Variants in PCDH15 observed in about 807,000 individuals in gnomAD.
The protein encoded by PCDH15 is protocadherin related 15.
In PCDH15, 129 loss-of-function variants were observed where a neutral mutation model predicts 178.5. That is an observed-to-expected ratio of 0.72 (90% CI 0.63 to 0.84). The LOEUF is 0.84. Ranked by LOEUF, PCDH15 falls within the 40% of genes least tolerant of loss-of-function variation. The pLI is 0.00. For missense variants in PCDH15, 2,230 were observed against 2,099.9 expected (o/e 1.06, Z -1.21); for synonymous variants, 800 against 732.0 (o/e 1.09, Z -1.50).
intron 2 of PCDH15, among the ~76,000 whole-genome samples, chr10:54,560,588 T>G (rs2087984269): frequency 6.6e-6 from 1 of 151,996 alleles, no homozygotes; most frequent in Non-Finnish European, 1.5e-5. Context: ...AGCTTAAAAT[T>G]TGCCCTTTCA....
chr10:53,857,055 C>T (rs1330499526), intron 28 of PCDH15, 120 bp downstream of exon 28: 2 of 745,500 alleles, frequency 2.7e-6, no homozygotes, highest in East Asian at 2.8e-5. Flanking sequence ...CACCAATATG[C>T]AATATATCCA....
At chr10:55,101,085 A>G (rs190717309) in intron 2 of PCDH15, among the ~76,000 whole-genome samples, 2 of 152,222 alleles carry the variant, frequency 1.3e-5, no homozygotes, top group East Asian at 3.9e-4. Context: ...ATGGGATTAA[A>G]ATATTTTTAT....
At chr10:54,344,346 T>G (rs1398827172) in intron 6 of PCDH15, among the ~76,000 whole-genome samples, 1 of 152,314 alleles carries the variant, frequency 6.6e-6, no homozygotes, top group South Asian at 2.1e-4. Context: ...TATTATATTG[T>G]ACAGCAAACC....
intron 3 of PCDH15, among the ~76,000 whole-genome samples, chr10:54,811,751 G>A (rs993930808): frequency 6.6e-6 from 1 of 152,150 alleles, no homozygotes; most frequent in East Asian, 1.9e-4. Context: ...TTACAGGCGT[G>A]AGCCACCGCA....
At chr10:55,068,996 C>A (rs1841643107) in intron 2 of PCDH15, among the ~76,000 whole-genome samples, 1 of 151,900 alleles carries the variant, frequency 6.6e-6, no homozygotes, top group Non-Finnish European at 1.5e-5. Context: ...CTCCTGGGTT[C>A]AAGCGATTCT....
At chr10:55,143,631 A>AT (rs201740002) in intron 2 of PCDH15, among the ~76,000 whole-genome samples, 7,977 of 151,712 alleles carry the variant, frequency 0.053, 211 homozygotes, top group Middle Eastern at 0.065. Flanking sequence ...TAACATTTGA[A>AT]TTTTTTTTTC....
intron 2 of PCDH15, among the ~76,000 whole-genome samples, chr10:55,582,628 A>ATATATATTTTT (rs780312007): frequency 2.9e-5 from 2 of 69,028 alleles, no homozygotes; most frequent in African/African-American, 6.6e-5. Flanking sequence ...ATATATATAT[A>ATATATATTTTT]TTTTTTTTTT....
chr10:54,122,249 C>A (rs891776736), intron 15 of PCDH15, among the ~76,000 whole-genome samples: 1 of 151,884 alleles, frequency 6.6e-6, no homozygotes, highest in Non-Finnish European at 1.5e-5. Flanking sequence ...ATCACATGAA[C>A]ACAATTTAAA....
intron 13 of PCDH15, among the ~76,000 whole-genome samples, chr10:54,182,487 G>A (rs2048076977): frequency 1.6e-5 from 1 of 62,542 alleles, no homozygotes; most frequent in African/African-American, 1.0e-4. Flanking sequence ...CTTGATGAGA[G>A]AGGAAAAGAG....
rs533751544 is a variant in PCDH15 at position 54,336,633 on chromosome 10, C to G, written c.595-6927G>C. Reference sequence around the variant, plus strand: ...AGAACTGAGGTTTGGGAACCTCCACCTAGATTTCAGAGGATGTATGGAAAT... The same window carrying G: ...AGAACTGAGGTTTGGGAACCTCCACGTAGATTTCAGAGGATGTATGGAAAT... On this transcript the variant is annotated intron_variant, in intron 6 of 37. Coordinates refer to ENST00000644397, the MANE Select transcript of PCDH15 (RefSeq NM_001384140.1). Among the ~76,000 whole-genome samples, 7 of 152,298 alleles carry G rather than the reference C, an allele frequency of 4.6e-5. No homozygotes were observed. In the South Asian group the frequency reaches 1.4e-3, roughly 32 times the overall value.
At chr10:54,414,021 C>T (rs971813374) in intron 3 of PCDH15, among the ~76,000 whole-genome samples, 1 of 152,072 alleles carries the variant, frequency 6.6e-6, no homozygotes, top group African/African-American at 2.4e-5. Context: ...ATCTCTCAGC[C>T]TCTCACTACT....
chr10:53,807,308 T>C (rs1021379213), intron 37 of PCDH15, among the ~76,000 whole-genome samples, 178 bp from the exon 38 acceptor site: 3 of 152,160 alleles, frequency 2.0e-5, no homozygotes, highest in Non-Finnish European at 4.4e-5. Context: ...CAATCCTTTA[T>C]TGGCTTTAGA....
rs188562982 is a variant in PCDH15, at chr10:55,173,619, T to C, written c.-155-6968A>G. Among the ~76,000 whole-genome samples, 518 of 152,266 alleles carry C rather than the reference T, an allele frequency of 3.4e-3. 12 individuals are homozygous for C. Among genetic ancestry groups the C allele is most frequent in the Non-Finnish European group, 1.4e-3 (93 of 67,996 alleles). ...TTATCCGTTTAAAAAAACTATTGTATAACTTTTTAGCATATAAAAAGTTAT... is the reference window on the plus strand; with the variant it reads ...TTATCCGTTTAAAAAAACTATTGTACAACTTTTTAGCATATAAAAAGTTAT... On this transcript the variant is annotated intron_variant, in intron 1 of 5. Transcript: ENST00000458638.
intron 2 of PCDH15, among the ~76,000 whole-genome samples, chr10:55,566,945 C>G (rs1056142135): frequency 5.9e-5 from 9 of 151,786 alleles, no homozygotes; most frequent in Middle Eastern, 3.2e-3. Flanking sequence ...TCCTAAAATT[C>G]ATAGGAATTT....
chr10:54,640,650 T>C (rs2093966909), intron 2 of PCDH15, among the ~76,000 whole-genome samples: 1 of 152,184 alleles, frequency 6.6e-6, no homozygotes, highest in African/African-American at 2.4e-5. Context: ...GTTTCCTTTT[T>C]TCCTTCCTTA....
chr10:55,030,835 T>A (rs561208997), intron 2 of PCDH15, among the ~76,000 whole-genome samples: 1 of 152,174 alleles, frequency 6.6e-6, no homozygotes, highest in African/African-American at 2.4e-5. Flanking sequence ...TAGGGGAAGA[T>A]AAAATAATTA....
At position 54,274,623 on chromosome 10, in the gene PCDH15, T is replaced by C. The variant is rs2132572613; in HGVS notation, c.877-37692A>G. Among the ~76,000 whole-genome samples the C allele has an allele frequency of 3.4e-5, 3 of 88,898 alleles. No homozygotes were observed. In the South Asian group the frequency reaches 9.7e-4, roughly 29 times the overall value. 58.3% of individuals were successfully genotyped at this position (88,898 alleles called of 152,430 possible). A position where few individuals can be genotyped will look rare whatever the true frequency, so the allele number is the denominator to read the frequency against. ...AAACAAAACTCAGTTTAATTGTGTG[T>C]GTGTGTGTGTGTGTGTGTGTGTGTG... is the stretch of plus-strand genomic sequence containing the variant. On this transcript the variant is annotated intron_variant, in intron 8 of 37. Transcript: ENST00000644397.
intron 29 of PCDH15, among the ~76,000 whole-genome samples, chr10:53,837,113 G>A (rs1023720129): frequency 6.6e-6 from 1 of 151,836 alleles, no homozygotes; most frequent in Non-Finnish European, 1.5e-5. Flanking sequence ...CGGGGGAGGG[G>A]AGCAGAGTCA....
At chr10:55,436,667 A>C (rs1296801425) in intron 2 of PCDH15, among the ~76,000 whole-genome samples, 2 of 152,176 alleles carry the variant, frequency 1.3e-5, no homozygotes, top group African/African-American at 2.4e-5. Flanking sequence ...TTTATACAAG[A>C]AAATAAATCT....
Sources: gnomAD v4.1 joint callset for allele counts (sites outside exome capture counted in the v4.1 genomes callset) on GRCh38, gnomAD v4.1.1 for gene constraint, MANE v1.5 for transcripts, NCBI Gene and HGNC (gene_info 2026-07-23, HGNC 2026-07-21) for gene names.